ENDOU: variants seen among roughly 807,000 people sequenced by gnomAD.
ENDOU encodes uridylate-specific endoribonuclease.
Under a neutral mutation model 54.2 loss-of-function variants are expected in ENDOU, and 49 were observed. That is an observed-to-expected ratio of 0.90 (90% CI 0.72 to 1.15). The LOEUF (loss-of-function observed/expected upper bound fraction) is 1.15, where lower values mean the gene tolerates loss of function less well. Among genes scored for constraint, ENDOU ranks in the 50% most tolerant of loss-of-function variants. The pLI, the probability that ENDOU is intolerant of heterozygous loss-of-function variation, is 0.00. For synonymous variants in ENDOU, 172 were observed against 190.5 expected, an observed-to-expected ratio of 0.90 and a Z score of 0.80; for missense variants, 458 against 511.4, an observed-to-expected ratio of 0.90 and a Z score of 1.01.
At chr12:47,712,904 A>G (rs1940080922) in intron 7 of ENDOU, among the ~76,000 whole-genome samples, 1 of 152,060 alleles carries the variant, frequency 6.6e-6, no homozygotes, top group African/African-American at 2.4e-5. Flanking sequence ...TGGGAGTTTT[A>G]TGGGGTAGAA....
Position 47,725,389 on chromosome 12 carries a change from A to G in ENDOU, c.25T>C (p.Leu9=), listed in dbSNP as rs1157501362. The part of the protein sequence containing the change: MRACISLV[L]AVLCGLAWAG... Reference sequence around the variant, plus strand: ...CAGGCCAGGCCACACAGCACGGCCAATACCAGGGAGATGCAGGCCCTCATG... The same window carrying G: ...CAGGCCAGGCCACACAGCACGGCCAGTACCAGGGAGATGCAGGCCCTCATG... Residue 9 remains leucine, a synonymous_variant, in exon 1 of 10, where the codon TTG becomes CTG. Coordinates refer to ENST00000422538, the MANE Select transcript of ENDOU (RefSeq NM_001172439.2). The G allele has an allele frequency of 5.0e-6, 8 of 1,614,232 alleles. No homozygotes were observed. The highest frequency in any genetic ancestry group is 6.8e-6 in the Non-Finnish European group (8 of 1,180,042).
At position 47,716,283 on chromosome 12, in the gene ENDOU, T is replaced by TG. The variant is rs747842493; in HGVS notation, c.751+16dup. 2.4e-5 allele frequency: 38 copies of TG among 1,613,088 alleles called. No homozygotes were observed. In the Admixed American group the frequency reaches 6.3e-4, roughly 27 times the overall value. Reference sequence around the variant, plus strand: ...AGACAGACTCATGCGCTCTGGGGCCTGGGGGTGCTCACTCACTCTGGTGAT... The same window carrying TG: ...AGACAGACTCATGCGCTCTGGGGCCTGGGGGGTGCTCACTCACTCTGGTGAT... On this transcript the variant is annotated intron_variant, in intron 6 of 9. Coordinates refer to ENST00000422538, the MANE Select transcript of ENDOU (RefSeq NM_001172439.2).
chr12:47,717,093 C>T (rs1225936980), intron 4 of ENDOU, 35 bp from the exon 5 acceptor site: 4 of 1,603,752 alleles, frequency 2.5e-6, no homozygotes, highest in Non-Finnish European at 3.4e-6. Flanking sequence ...GCCTCAGAGC[C>T]AGAGGGAAAG....
chr12:47,710,718 C>T lies in ENDOU; in HGVS notation c.*84G>A. The T allele has an allele frequency of 1.1e-6, 1 of 933,782 alleles. No homozygotes were observed. The highest frequency in any genetic ancestry group is 1.8e-6 in the Non-Finnish European group (1 of 564,228). The allele number at this position is 933,782 out of a possible 1,614,324, so 57.8% of individuals were successfully genotyped here. On this transcript the variant is annotated 3_prime_UTR_variant, in exon 10 of 10. Coordinates refer to ENST00000422538, the MANE Select transcript of ENDOU (RefSeq NM_001172439.2). The stretch of plus-strand genomic sequence containing the variant: ...TTGAGATTTGGTGATCCCTTCCAGT[C>T]CTCTCCCTCTTCTCTCTAGTCCAGA...
intron 2 of ENDOU, chr12:47,720,016 T>A (rs1380233115): frequency 2.0e-5 from 3 of 152,286 alleles, no homozygotes; most frequent in African/African-American, 7.2e-5. Context: ...GCAATGATTA[T>A]GCAGTGAAAT....
In ENDOU at chr12:47,718,103, G is replaced by A. The variant is rs570522052; in HGVS notation, c.244+26C>T. On this transcript the variant is annotated intron_variant, in intron 3 of 9. Coordinates refer to ENST00000422538, the MANE Select transcript of ENDOU (RefSeq NM_001172439.2). Reference sequence around the variant, plus strand: ...ATGTCCCTCCTGCTTTATCTTGAGGGCCCCCCTTTGGGGAGGCAGGCTCAC... The same window carrying A: ...ATGTCCCTCCTGCTTTATCTTGAGGACCCCCCTTTGGGGAGGCAGGCTCAC... 5.8e-6 allele frequency: 9 copies of A among 1,549,500 alleles called. No homozygotes were observed. In the South Asian group the frequency reaches 9.5e-5, roughly 16 times the overall value.
chr12:47,715,934 GAC>G (rs912619733), intron 6 of ENDOU, among the ~76,000 whole-genome samples: 62 of 152,256 alleles, frequency 4.1e-4, no homozygotes, highest in African/African-American at 1.4e-3. Context: ...ACATGGTGCT[GAC>G]TCCAGGATCG....
intron 1 of ENDOU, among the ~76,000 whole-genome samples, chr12:47,723,838 A>T (rs1369660232): frequency 6.6e-6 from 1 of 152,090 alleles, no homozygotes; most frequent in Non-Finnish European, 1.5e-5. Flanking sequence ...CTCCATTCAC[A>T]ACCAAAAAAA....
At chr12:47,712,748 T>C in intron 7 of ENDOU, 126 bp from the exon 8 acceptor site, 1 of 675,452 alleles carries the variant, frequency 1.5e-6, no homozygotes, top group Non-Finnish European at 2.6e-6. Flanking sequence ...GCTTGACCCC[T>C]TGCTGTGAGT....
At chr12:47,720,435 A>C (rs1159148887) in intron 2 of ENDOU, 1 of 214,888 alleles carries the variant, frequency 4.7e-6, no homozygotes, top group Non-Finnish European at 9.2e-6. Flanking sequence ...TAATAATGTC[A>C]TACATACTAA....
Position 47,723,457 on chromosome 12 carries a change from A to T in ENDOU, c.55+1902T>A, listed in dbSNP as rs1171030302. On this transcript the variant is annotated intron_variant, in intron 1 of 9. Transcript: ENST00000422538. ...CTGAGTAAGCCTTGCTCCCCAAGCC[A>T]GGTGCCTGAATCACTGCTGTAGTAA... 2.0e-5 allele frequency among the ~76,000 whole-genome samples: 3 copies of T among 152,184 alleles called. No homozygotes were observed. The East Asian group carries it at 5.8e-4, about 29-fold the overall frequency.
At position 47,725,490 on chromosome 12, in the gene ENDOU, C is replaced by A; in HGVS notation, c.-77G>T. ...TCAGATGAATGTCACAGCTCTCAGA[C>A]GAGCCTTATTCCTCAAGCTGATCCT... is the stretch of plus-strand genomic sequence containing the variant. On this transcript the variant is annotated 5_prime_UTR_variant, in exon 1 of 10. Coordinates refer to ENST00000422538, the MANE Select transcript of ENDOU (RefSeq NM_001172439.2). 7.2e-7 allele frequency: 1 copy of A among 1,393,622 alleles called. No homozygotes were observed. The highest frequency in any genetic ancestry group is 1.0e-6 in the Non-Finnish European group (1 of 986,802). The allele number at this position is 1,393,622 out of a possible 1,614,324, so 86.3% of individuals were successfully genotyped here.
At chr12:47,716,747 A>G (rs1565733841) in intron 5 of ENDOU, 143 bp downstream of exon 5, 1 of 834,074 alleles carries the variant, frequency 1.2e-6, no homozygotes, top group South Asian at 1.7e-5. Flanking sequence ...CAGTCCCTCA[A>G]GATGGCTTTG....
At chr12:47,711,965 A>G (rs1307731587) in intron 8 of ENDOU, among the ~76,000 whole-genome samples, 190 bp from the exon 9 acceptor site, 6 of 152,094 alleles carry the variant, frequency 3.9e-5, no homozygotes, top group Admixed American at 1.3e-4. Flanking sequence ...GCCCACCCGG[A>G]CCCTCTGCCT....
At position 47,717,004 on chromosome 12, in the gene ENDOU, T is replaced by C. The variant is rs1940268489; in HGVS notation, c.437A>G (p.Glu146Gly). ...GTTGGTGTCTGCCCTGTAGATCTTC[T>C]CAGAGATGCTCTGAATCTCCTCTTT... ...ITKEEIQSISEKIYRADTNKA... is the reference protein window; with the variant it reads ...ITKEEIQSISGKIYRADTNKA... The change falls in exon 5 of 10, where the codon GAG becomes GGG. Residue 146 changes from glutamate (E) to glycine (G), a missense_variant. Coordinates refer to ENST00000422538, the MANE Select transcript of ENDOU (RefSeq NM_001172439.2). 1.2e-6 allele frequency: 2 copies of C among 1,614,088 alleles called. No individual in the cohort carries two copies. Among genetic ancestry groups the C allele is most frequent in the Admixed American group, 3.3e-5 (2 of 60,024 alleles).
At chr12:47,712,804 C>T (rs1265750859) in intron 7 of ENDOU, among the ~76,000 whole-genome samples, 182 bp from the exon 8 acceptor site, 1 of 152,102 alleles carries the variant, frequency 6.6e-6, no homozygotes, top group Non-Finnish European at 1.5e-5. Flanking sequence ...GGAAGGCCCC[C>T]CTTCTGGCTC....
At position 47,713,029 on chromosome 12, in the gene ENDOU, C is replaced by A. The variant is rs116510634; in HGVS notation, c.865+246G>T. On this transcript the variant is annotated intron_variant, in intron 7 of 9. Transcript: ENST00000422538. ...AGACACATGTCTTGTCCTAGATGTACCCCCTTGGGAGCCCCAGCATCTGGT... is the reference window on the plus strand; with the variant it reads ...AGACACATGTCTTGTCCTAGATGTAACCCCTTGGGAGCCCCAGCATCTGGT... Among the ~76,000 whole-genome samples the A allele has an allele frequency of 4.9e-3, 742 of 152,210 alleles. 8 individuals are homozygous for A. Among genetic ancestry groups the A allele is most frequent in the African/African-American group, 0.017 (705 of 41,538 alleles).
chr12:47,720,975 T>C lies in ENDOU; in HGVS notation c.56-100A>G, dbSNP rs1940416370. The C allele has an allele frequency of 1.1e-5, 13 of 1,196,750 alleles. No homozygotes were observed. In the Admixed American group the frequency reaches 2.6e-4, roughly 24 times the overall value. 74.1% of individuals were successfully genotyped at this position (1,196,750 alleles called of 1,614,324 possible). A position where few individuals can be genotyped will look rare whatever the true frequency, so the allele number is the denominator to read the frequency against. Reference sequence around the variant, plus strand: ...TCACAGACCAGGGCAGGAGTGTACCTGGCAGGGAAGGGCATTACTCTCTGC... The same window carrying C: ...TCACAGACCAGGGCAGGAGTGTACCCGGCAGGGAAGGGCATTACTCTCTGC... On this transcript the variant is annotated intron_variant, in intron 1 of 9. Coordinates refer to ENST00000422538, the MANE Select transcript of ENDOU (RefSeq NM_001172439.2).
intron 1 of ENDOU, among the ~76,000 whole-genome samples, chr12:47,724,456 G>A (rs555350245): frequency 6.6e-6 from 1 of 152,320 alleles, no homozygotes; most frequent in South Asian, 2.1e-4. Flanking sequence ...AAAATTTATA[G>A]TCATAATCAT....
Sources: allele counts gnomAD v4.1 joint callset (sites outside exome capture counted in the v4.1 genomes callset), GRCh38; gene constraint gnomAD v4.1.1; transcripts MANE v1.5; gene names NCBI Gene and HGNC (gene_info 2026-07-23, HGNC 2026-07-21).